Variants in GNG7 observed in about 807,000 individuals in gnomAD.
GNG7 encodes G protein subunit gamma 7, also known as guanine nucleotide-binding protein G(I)/G(S)/G(O) subunit gamma-7.
Under a neutral mutation model 4.0 loss-of-function variants are expected in GNG7, and 1 was observed. The observed-to-expected ratio is 0.25, with a 90% CI of 0.09 to 1.18. GNG7 has a LOEUF of 1.18. GNG7 is among the 50% of genes most tolerant of loss of function. The pLI is 0.50. For synonymous variants in GNG7, 34 were observed against 36.9 expected (o/e 0.92, Z 0.29); for missense variants, 86 against 91.9 (o/e 0.94, Z 0.26).
At chr19:2,587,910 A>T (rs767816720) in intron 2 of GNG7, among the ~76,000 whole-genome samples, 31 of 151,446 alleles carry the variant, frequency 2.0e-4, no homozygotes, top group Non-Finnish European at 3.5e-4. Context: ...GAAAAGAAGG[A>T]GAGAGAGAGA....
chr19:2,550,382 G>C (rs950313467), intron 3 of GNG7, among the ~76,000 whole-genome samples: 1 of 152,194 alleles, frequency 6.6e-6, no homozygotes, highest in African/African-American at 2.4e-5. Context: ...CCAACACCAA[G>C]CCCGGCTAAT....
intron 1 of GNG7, among the ~76,000 whole-genome samples, chr19:2,682,733 G>A (rs541711943): frequency 4.0e-5 from 6 of 150,414 alleles, no homozygotes; most frequent in South Asian, 2.1e-4. Context: ...CACCCCATCC[G>A]GTGAAGTCTC....
At position 2,617,725 on chromosome 19, in the gene GNG7, T is replaced by A. The variant is rs1030866877; in HGVS notation, c.-78+28499A>T. Among the ~76,000 whole-genome samples, 2 of 149,220 alleles carry A rather than the reference T, an allele frequency of 1.3e-5. No homozygotes were observed. The highest frequency in any genetic ancestry group is 3.0e-5 in the Non-Finnish European group (2 of 67,778). ...CCTATTTTGTCTTTTCCTTTTTATTTTTTTTTTTTTTGAGATAGGGTCTTG... is the reference window on the plus strand; with the variant it reads ...CCTATTTTGTCTTTTCCTTTTTATTATTTTTTTTTTTGAGATAGGGTCTTG... On this transcript the variant is annotated intron_variant, in intron 2 of 4. Transcript: ENST00000382159. This position sits in a 1 kb window ranked among gnomAD's most constrained non-coding sequence, Gnocchi z 4.7.
At chr19:2,526,777 CTATTT>C (rs1978411038) in intron 3 of GNG7, among the ~76,000 whole-genome samples, 1 of 149,780 alleles carries the variant, frequency 6.7e-6, no homozygotes, top group African/African-American at 2.4e-5. Context: ...ATTTAGATTA[CTATTT>C]TATATCTGTA....
At chr19:2,584,273 T>C (rs1223854764) in intron 2 of GNG7, among the ~76,000 whole-genome samples, 1 of 127,176 alleles carries the variant, frequency 7.9e-6, no homozygotes, top group East Asian at 2.4e-4. Context: ...GGAGACCCTA[T>C]CTCCGCAAAG....
intron 1 of GNG7, among the ~76,000 whole-genome samples, chr19:2,672,433 G>A (rs1983478397): frequency 6.7e-6 from 1 of 150,022 alleles, no homozygotes; most frequent in African/African-American, 2.4e-5. Flanking sequence ...TGGAATTACA[G>A]GTGTGACGCC....
chr19:2,514,447 G>A lies in GNG7; in HGVS notation c.*575C>T, dbSNP rs1972698694. The stretch of plus-strand genomic sequence containing the variant: ...GCGACGGGTTCAACCATCACAATCC[G>A]AGTTTAGCCGTATGGAGTAACAATT... On this transcript the variant is annotated 3_prime_UTR_variant, in exon 5 of 5. Transcript: ENST00000382159. 2 of 153,208 alleles carry A rather than the reference G, an allele frequency of 1.3e-5. No individual in the cohort carries two copies. Among genetic ancestry groups the A allele is most frequent in the Admixed American group, 6.5e-5 (1 of 15,406 alleles). The allele number at this position is 153,208 out of a possible 1,614,324, so 9.5% of individuals were successfully genotyped here. A position where few individuals can be genotyped will look rare whatever the true frequency, so the allele number is the denominator to read the frequency against.
chr19:2,647,086 C>T (rs1982685689), intron 1 of GNG7, among the ~76,000 whole-genome samples: 1 of 152,218 alleles, frequency 6.6e-6, no homozygotes, highest in East Asian at 1.9e-4. Flanking sequence ...AGGAACTCCC[C>T]ACCTCGGGGG....
chr19:2,556,572 C>T (rs1029394269), intron 2 of GNG7, among the ~76,000 whole-genome samples: 21 of 152,184 alleles, frequency 1.4e-4, no homozygotes, highest in African/African-American at 4.8e-4. Flanking sequence ...GCCACCCACA[C>T]ACGACACTTT....
At chr19:2,637,492 CA>C (rs2144850036) in intron 2 of GNG7, among the ~76,000 whole-genome samples, 1 of 152,296 alleles carries the variant, frequency 6.6e-6, no homozygotes, top group Non-Finnish European at 1.5e-5. Flanking sequence ...CCGCAGGAGC[CA>C]AAGCCGCACT....
intron 3 of GNG7, among the ~76,000 whole-genome samples, chr19:2,527,213 C>T (rs1047674678): frequency 1.3e-5 from 2 of 152,204 alleles, no homozygotes; most frequent in African/African-American, 4.8e-5. Context: ...GGGAGCCCCA[C>T]GCACCCTCTC....
At chr19:2,650,448 C>T (rs1030035979) in intron 1 of GNG7, among the ~76,000 whole-genome samples, 7 of 152,050 alleles carry the variant, frequency 4.6e-5, no homozygotes, top group South Asian at 2.1e-4. Context: ...CTTGGCCTCC[C>T]GAAGTTGTTG....
At position 2,675,022 on chromosome 19, in the gene GNG7, G is replaced by A. The variant is rs183583657; in HGVS notation, c.-135+27624C>T. ...ACGCCTCCCCCTCTGGCTGAGACTA[G>A]AATAGATAAAAATCCAGATTTTCAC... On this transcript the variant is annotated intron_variant, in intron 1 of 4. Transcript: ENST00000382159. 3.0e-3 allele frequency among the ~76,000 whole-genome samples: 464 copies of A among 152,242 alleles called. 2 individuals are homozygous for A. The highest frequency in any genetic ancestry group is 0.01 in the African/African-American group (434 of 41,536).
chr19:2,599,646 C>T (rs1981138879), intron 2 of GNG7, among the ~76,000 whole-genome samples: 1 of 152,056 alleles, frequency 6.6e-6, no homozygotes, highest in African/African-American at 2.4e-5. Context: ...GCATGAAAAC[C>T]GGGGGTTAGG....
At chr19:2,587,548 G>A (rs1980711666) in intron 2 of GNG7, among the ~76,000 whole-genome samples, 1 of 152,158 alleles carries the variant, frequency 6.6e-6, no homozygotes, top group Non-Finnish European at 1.5e-5. Flanking sequence ...CGTCAGCTCG[G>A]GGGTCGGTAC....
chr19:2,598,380 G>A (rs1327189662), intron 2 of GNG7, among the ~76,000 whole-genome samples: 3 of 151,920 alleles, frequency 2.0e-5, no homozygotes, highest in African/African-American at 7.3e-5. Flanking sequence ...AGAATTGGCC[G>A]GGCGTGGTGG....
intron 2 of GNG7, among the ~76,000 whole-genome samples, chr19:2,571,137 C>A (rs1000625972): frequency 2.7e-5 from 4 of 148,722 alleles, no homozygotes; most frequent in East Asian, 2.0e-4. Flanking sequence ...AACACATGCA[C>A]CAATAACAGG....
intron 2 of GNG7, among the ~76,000 whole-genome samples, chr19:2,627,243 G>A (rs1470355690): frequency 6.7e-6 from 1 of 149,840 alleles, no homozygotes; most frequent in Non-Finnish European, 1.5e-5. Context: ...TCATGACTGG[G>A]GGTGCTCCTG....
intron 2 of GNG7, among the ~76,000 whole-genome samples, chr19:2,602,994 CCTTT>C (rs1455166866): frequency 1.1e-4 from 16 of 146,470 alleles, no homozygotes; most frequent in East Asian, 2.0e-4. Flanking sequence ...TTCCTTCCTT[CCTTT>C]CTTTTCTTTC....
Sources: gnomAD v4.1 joint callset for allele counts (sites outside exome capture counted in the v4.1 genomes callset) on GRCh38, gnomAD v4.1.1 for gene constraint, Gnocchi (gnomAD v3.1) non-coding constraint, MANE v1.5 for transcripts, NCBI Gene and HGNC (gene_info 2026-07-23, HGNC 2026-07-21) for gene names.